The following INPP4B variants were observed in gnomAD, a reference collection of about 807,000 sequenced individuals.
INPP4B encodes the protein inositol polyphosphate 4-phosphatase type II.
Under a neutral mutation model 122.5 loss-of-function variants are expected in INPP4B, and 55 were observed. The ratio of observed to expected loss-of-function variants is 0.45; its 90% CI spans 0.36 to 0.56. The LOEUF (loss-of-function observed/expected upper bound fraction) is 0.56, where lower values mean the gene tolerates loss of function less well. Ranked by LOEUF, INPP4B falls within the 20% of genes least tolerant of loss-of-function variation. The probability of loss-of-function intolerance (pLI) is 0.00; values close to 1 mark genes in which losing one functional copy is unlikely to be tolerated. For synonymous variants in INPP4B, 403 were observed against 388.7 expected (o/e 1.04, Z -0.43); for missense variants, 1,000 against 1,097.7 (o/e 0.91, Z 1.26).
At chr4:142,528,192 G>A (rs1256622644) in intron 2 of INPP4B, among the ~76,000 whole-genome samples, 2 of 151,992 alleles carry the variant, frequency 1.3e-5, no homozygotes, top group Non-Finnish European at 2.9e-5. Flanking sequence ...ATCTATTGCT[G>A]TGTAACAAAT....
intron 10 of INPP4B, 70 bp downstream of exon 10, chr4:142,270,593 G>T: frequency 9.6e-7 from 1 of 1,046,138 alleles, no homozygotes; most frequent in Non-Finnish European, 1.5e-6. Context: ...AGAGATGTTG[G>T]TGAGACAGAC....
intron 12 of INPP4B, among the ~76,000 whole-genome samples, chr4:142,236,219 G>A (rs998803851): frequency 6.6e-6 from 1 of 152,192 alleles, no homozygotes; most frequent in Non-Finnish European, 1.5e-5. Context: ...TCTAGTAAGA[G>A]TGGTTCTTGG....
intron 2 of INPP4B, among the ~76,000 whole-genome samples, chr4:142,595,067 T>C (rs530370584): frequency 1.3e-5 from 2 of 152,278 alleles, no homozygotes; most frequent in East Asian, 1.9e-4. Context: ...TTTTCCATTG[T>C]TTCGGTTATT....
intron 7 of INPP4B, among the ~76,000 whole-genome samples, chr4:142,337,810 C>T (rs1467382255): frequency 8.1e-6 from 1 of 122,858 alleles, no homozygotes; most frequent in African/African-American, 2.6e-5. Context: ...AATCTTAGTT[C>T]TTTGCAATTT....
intron 2 of INPP4B, among the ~76,000 whole-genome samples, chr4:142,532,988 A>G (rs996316650): frequency 1.3e-5 from 2 of 152,194 alleles, no homozygotes; most frequent in African/African-American, 4.8e-5. Context: ...TAATGCTGAG[A>G]GAGATTCAGA....
intron 2 of INPP4B, among the ~76,000 whole-genome samples, chr4:142,483,181 G>GTTTTTTTT (rs1231258221): frequency 4.1e-5 from 3 of 72,394 alleles, no homozygotes; most frequent in African/African-American, 2.6e-4. Context: ...GTCAGGCTAT[G>GTTTTTTTT]CTTTTTTTTT....
At chr4:142,255,988 A>T (rs918300917) in intron 11 of INPP4B, among the ~76,000 whole-genome samples, 1 of 149,560 alleles carries the variant, frequency 6.7e-6, no homozygotes, top group Non-Finnish European at 1.5e-5. Flanking sequence ...AAGTAACAGA[A>T]ATTATAACAA....
chr4:142,394,319 G>T (rs1223129093), intron 7 of INPP4B, among the ~76,000 whole-genome samples: 1 of 151,974 alleles, frequency 6.6e-6, no homozygotes, highest in East Asian at 1.9e-4. Context: ...CTGATTTTTT[G>T]GATTTTTAGT....
At chr4:142,486,856 A>T (rs996645870) in intron 2 of INPP4B, among the ~76,000 whole-genome samples, 1 of 152,208 alleles carries the variant, frequency 6.6e-6, no homozygotes, top group African/African-American at 2.4e-5. Context: ...TTTCCTCAGT[A>T]AATGCCTTGA....
rs189705916 is a variant in INPP4B, at chr4:142,274,123, T to G, written c.504-3349A>C. Among the ~76,000 whole-genome samples, 6 of 151,978 alleles carry G rather than the reference T, an allele frequency of 3.9e-5. No individual in the cohort carries two copies. In the East Asian group the frequency reaches 1.2e-3, roughly 29 times the overall value. The stretch of plus-strand genomic sequence containing the variant: ...GCTTTCAATTTATCACCTATCAAGT[T>G]GGAAAGGCTAGTAATAATAGCTTAA... On this transcript the variant is annotated intron_variant, in intron 9 of 25. Transcript: ENST00000262992.
chr4:142,504,016 A>G (rs2149832709), intron 2 of INPP4B, among the ~76,000 whole-genome samples: 1 of 152,202 alleles, frequency 6.6e-6, no homozygotes, highest in East Asian at 1.9e-4. Context: ...TAAACAGAAA[A>G]GAAAATCTAG....
At chr4:142,181,480 C>T (rs1318165753) in intron 15 of INPP4B, among the ~76,000 whole-genome samples, 2 of 152,188 alleles carry the variant, frequency 1.3e-5, no homozygotes, top group African/African-American at 2.4e-5. Context: ...AACACATTCA[C>T]TGATATGTCT....
intron 7 of INPP4B, 94 bp downstream of exon 7, chr4:142,402,844 T>A: frequency 1.3e-6 from 1 of 764,428 alleles, no homozygotes; most frequent in South Asian, 1.4e-5. Flanking sequence ...ACGGTGCAAA[T>A]ATCCTCTTTG....
chr4:142,299,383 G>A (rs1188590384), intron 9 of INPP4B, among the ~76,000 whole-genome samples: 2 of 150,636 alleles, frequency 1.3e-5, no homozygotes, highest in Non-Finnish European at 2.9e-5. Flanking sequence ...GCGAACCACT[G>A]AGCTAAAGGG....
intron 2 of INPP4B, among the ~76,000 whole-genome samples, chr4:142,679,332 G>A (rs558884776): frequency 1.3e-4 from 20 of 151,988 alleles, no homozygotes; most frequent in African/African-American, 4.8e-4. Context: ...TGAGATTAGT[G>A]CAGTCCCTTA....
At position 142,086,221 on chromosome 4, in the gene INPP4B, C is replaced by T. The variant is rs773292750; in HGVS notation, c.2410G>A (p.Ala804Thr). 12 of 1,586,780 alleles carry T rather than the reference C, an allele frequency of 7.6e-6. No individual in the cohort carries two copies. In the East Asian group the frequency reaches 2.0e-4, roughly 27 times the overall value. Residue 804 changes from alanine (A) to threonine (T), a missense_variant, in exon 24 of 26, where the codon GCA becomes ACA. By Grantham distance (58) the Ala-to-Thr change is moderately conservative. Transcript: ENST00000262992. ...TTTTGAAGGAGATTTTCTAGCAATG[C>T]TTTTAAATCATTTTGTTCCTGAAAA... ...SHFQEQNDLK[A>T]LLENLLQNIQ...
intron 7 of INPP4B, among the ~76,000 whole-genome samples, chr4:142,359,527 T>G (rs894942719): frequency 2.0e-5 from 3 of 151,966 alleles, no homozygotes; most frequent in Non-Finnish European, 4.4e-5. Flanking sequence ...CCTCGTCCCA[T>G]TTTTACCCTC....
intron 10 of INPP4B, among the ~76,000 whole-genome samples, chr4:142,266,051 A>C (rs181246707): frequency 6.4e-4 from 98 of 152,328 alleles, no homozygotes; most frequent in African/African-American, 2.1e-3. Context: ...TGTTTCTGCT[A>C]CTGGTCTCCT....
chr4:142,646,527 C>T (rs1009714489), intron 2 of INPP4B, among the ~76,000 whole-genome samples: 2 of 152,170 alleles, frequency 1.3e-5, no homozygotes, highest in Non-Finnish European at 2.9e-5. Flanking sequence ...CCTAGCCACA[C>T]TGGCAGTTGA....
Sources: allele counts gnomAD v4.1 joint callset (sites outside exome capture counted in the v4.1 genomes callset), GRCh38; gene constraint gnomAD v4.1.1; transcripts MANE v1.5; gene names NCBI Gene and HGNC (gene_info 2026-07-23, HGNC 2026-07-21).